CALU: variants seen among roughly 807,000 people sequenced by gnomAD.
CALU encodes the protein calumenin.
A neutral mutation model predicts 37.5 loss-of-function variants in CALU; 13 were observed. That is an observed-to-expected ratio of 0.35 (90% confidence interval 0.23 to 0.55). The LOEUF is 0.55. CALU is among the 20% of genes least tolerant of loss of function. The probability of loss-of-function intolerance (pLI) is 0.89; values close to 1 mark genes in which losing one functional copy is unlikely to be tolerated. For missense variants in CALU, 282 were observed against 391.7 expected (o/e 0.72, Z 2.36); for synonymous variants, 114 against 133.8 (o/e 0.85, Z 1.02).
At chr7:128,759,702 A>C in intron 4 of CALU, 90 bp from the exon 5 acceptor site, 1 of 742,406 alleles carries the variant, frequency 1.3e-6, no homozygotes, top group South Asian at 1.4e-5. Flanking sequence ...TTTAATGAAT[A>C]ATAAATGTTT....
At chr7:128,758,385 A>G (rs2128881065) in intron 3 of CALU, among the ~76,000 whole-genome samples, 1 of 152,324 alleles carries the variant, frequency 6.6e-6, no homozygotes, top group Non-Finnish European at 1.5e-5. Context: ...AAAGCCAACT[A>G]TGTGCCAGGC....
chr7:128,763,162 C>G (rs1801189669), intron 5 of CALU, among the ~76,000 whole-genome samples: 1 of 152,152 alleles, frequency 6.6e-6, no homozygotes, highest in Non-Finnish European at 1.5e-5. Context: ...TTTCTAAAAA[C>G]ATTTTTTTAA....
At chr7:128,754,834 A>G (rs1196814584) in intron 3 of CALU, 4 of 468,186 alleles carry the variant, frequency 8.5e-6, no homozygotes, top group Non-Finnish European at 1.5e-5. Flanking sequence ...TTCAGTGCTA[A>G]GCTGATTCCC....
At position 128,753,260 on chromosome 7, in the gene CALU, G is replaced by A. The variant is rs146560131; in HGVS notation, c.222-1002G>A. Among the ~76,000 whole-genome samples the A allele has an allele frequency of 2.8e-3, 424 of 152,318 alleles. 1 individual carries two copies. The highest frequency in any genetic ancestry group is 6.8e-3 in the Middle Eastern group (2 of 294). ...TCTTTTCAATCCTGCAAATAATAGA[G>A]CATAGGACTATACCAAGATTTCTCT... On this transcript the variant is annotated intron_variant, in intron 2 of 6. Transcript: ENST00000249364.
intron 2 of CALU, 85 bp from the exon 3 acceptor site, chr7:128,754,177 G>C (rs1585008420): frequency 9.8e-7 from 1 of 1,017,934 alleles, no homozygotes; most frequent in South Asian, 1.6e-5. Context: ...TTATTTCTGT[G>C]CATTAGCCCT....
At chr7:128,748,513 T>G in intron 1 of CALU, 60 bp from the exon 2 acceptor site, 1 of 1,357,406 alleles carries the variant, frequency 7.4e-7, no homozygotes. Context: ...AGCTTTTAAT[T>G]TCTTATTTAG....
chr7:128,756,934 C>T (rs1314565229), intron 3 of CALU, among the ~76,000 whole-genome samples: 1 of 151,994 alleles, frequency 6.6e-6, no homozygotes, highest in Non-Finnish European at 1.5e-5. Context: ...TAAAAATTAG[C>T]CAGGAGTGGT....
At chr7:128,748,003 C>CCG in intron 1 of CALU, 1 of 193,104 alleles carries the variant, frequency 5.2e-6, no homozygotes, top group South Asian at 1.3e-4. Flanking sequence ...AGACTTGGTG[C>CCG]TATAGACCAA....
In CALU at chr7:128,772,742, G is replaced by A; in HGVS notation, c.*3575G>A. On this transcript the variant is annotated 3_prime_UTR_variant, in exon 7 of 7. Transcript: ENST00000249364. ...AGACCTTATTCTCTGTATCACCAAA[G>A]CCTTGCACAATGCTTTGTACCCAGA... is the stretch of plus-strand genomic sequence containing the variant. The A allele has an allele frequency of 1.9e-6, 3 of 1,575,850 alleles. No homozygotes were observed. The highest frequency in any genetic ancestry group is 1.7e-6 in the Non-Finnish European group (2 of 1,146,702).
chr7:128,739,510 G>C (rs1191692855), intron 1 of CALU, 78 bp downstream of exon 1: 1 of 152,646 alleles, frequency 6.6e-6, no homozygotes, highest in Non-Finnish European at 1.5e-5. Flanking sequence ...TCTTGTTCTT[G>C]GCGCGGCAGG....
Position 128,771,636 on chromosome 7 carries a change from G to A in CALU, c.*2469G>A, listed in dbSNP as rs557613321. On this transcript the variant is annotated 3_prime_UTR_variant, in exon 7 of 7. Coordinates refer to ENST00000249364, the MANE Select transcript of CALU (RefSeq NM_001219.5). ...ATTATTCTTTTCTCCCTGTTTTCTG[G>A]TATTTTCTAGCATCCTTCTCACCAC... 2 of 152,078 alleles carry A rather than the reference G, an allele frequency of 1.3e-5. No individual in the cohort carries two copies. The highest frequency in any genetic ancestry group is 4.8e-5 in the African/African-American group (2 of 41,340). The allele number at this position is 152,078 out of a possible 1,614,324, so 9.4% of individuals were successfully genotyped here.
At position 128,772,063 on chromosome 7, in the gene CALU, GTTT is replaced by G. The variant is rs763113986; in HGVS notation, c.*2905_*2907del. ...TATTTGGGGCCACTGAGTTTTTTTTGTTTTTTTTTTTGTTTTGTTTTGTTTTTT... is the reference window on the plus strand; with the variant it reads ...TATTTGGGGCCACTGAGTTTTTTTTGTTTTTTTTGTTTTGTTTTGTTTTTT... On this transcript the variant is annotated 3_prime_UTR_variant, in exon 7 of 7. Coordinates refer to ENST00000249364, the MANE Select transcript of CALU (RefSeq NM_001219.5). 7.1e-3 allele frequency among the ~76,000 whole-genome samples: 471 copies of G among 66,666 alleles called. No homozygotes were observed. Among genetic ancestry groups the G allele is most frequent in the African/African-American group, 8.1e-3 (185 of 22,808 alleles). The allele number at this position is 66,666 out of a possible 152,430, so 43.7% of individuals were successfully genotyped here.
chr7:128,741,955 A>G (rs1800258292), intron 1 of CALU, among the ~76,000 whole-genome samples: 1 of 152,180 alleles, frequency 6.6e-6, no homozygotes, highest in African/African-American at 2.4e-5. Context: ...ATAGTTTCAG[A>G]CATTCTCAGG....
rs1800986876 is a variant in CALU at position 128,758,775 on chromosome 7, A to T, written c.416-96A>T. 6 of 856,772 alleles carry T rather than the reference A, an allele frequency of 7.0e-6. No homozygotes were observed. The Admixed American group carries it at 1.3e-4, about 19-fold the overall frequency. 53.1% of individuals were successfully genotyped at this position (856,772 alleles called of 1,614,324 possible). A position where few individuals can be genotyped will look rare whatever the true frequency, so the allele number is the denominator to read the frequency against. The stretch of plus-strand genomic sequence containing the variant: ...GTGTCATCAATTATTTCTTCCTTGC[A>T]TGGTTTTATCTTTATTGGAAATTGA... On this transcript the variant is annotated intron_variant, in intron 3 of 6. Coordinates refer to ENST00000249364, the MANE Select transcript of CALU (RefSeq NM_001219.5).
intron 1 of CALU, among the ~76,000 whole-genome samples, chr7:128,744,197 C>G (rs991605072): frequency 5.3e-5 from 8 of 152,030 alleles, no homozygotes; most frequent in African/African-American, 1.9e-4. Context: ...CAGAGACAGA[C>G]TCAGTCTCAA....
intron 1 of CALU, among the ~76,000 whole-genome samples, chr7:128,741,283 G>A (rs1584996126): frequency 6.6e-6 from 1 of 152,358 alleles, no homozygotes; most frequent in East Asian, 1.9e-4. Context: ...GGAAGTTGGA[G>A]AACACAGGCA....
At chr7:128,741,504 A>G (rs1437465139) in intron 1 of CALU, among the ~76,000 whole-genome samples, 4 of 152,216 alleles carry the variant, frequency 2.6e-5, no homozygotes, top group African/African-American at 9.6e-5. Flanking sequence ...ACCTATGGTC[A>G]TTGTTTTTGA....
intron 6 of CALU, among the ~76,000 whole-genome samples, chr7:128,767,981 T>C (rs1801399837): frequency 6.6e-6 from 1 of 152,182 alleles, no homozygotes; most frequent in Non-Finnish European, 1.5e-5. Context: ...CTTCATTTGT[T>C]CCTTTACCTA....
rs757119279 is a variant in CALU at position 128,769,173 on chromosome 7, G to C, written c.*6G>C. ...TACGGCATGATGAGTTCTGAGCTAC[G>C]GAGGAACCCTCATTTCCTCAAAAGT... On this transcript the variant is annotated 3_prime_UTR_variant, in exon 7 of 7. Coordinates refer to ENST00000249364, the MANE Select transcript of CALU (RefSeq NM_001219.5). 2 of 1,420,354 alleles carry C rather than the reference G, an allele frequency of 1.4e-6. No homozygotes were observed. Among genetic ancestry groups the C allele is most frequent in the East Asian group, 4.5e-5 (2 of 43,974 alleles). 88.0% of individuals were successfully genotyped at this position (1,420,354 alleles called of 1,614,324 possible).
Sources: gnomAD v4.1 joint callset for allele counts (sites outside exome capture counted in the v4.1 genomes callset) on GRCh38, gnomAD v4.1.1 for gene constraint, MANE v1.5 for transcripts, NCBI Gene and HGNC (gene_info 2026-07-23, HGNC 2026-07-21) for gene names.